IGF2BP2: variants seen among roughly 807,000 people sequenced by gnomAD.
The protein encoded by IGF2BP2 is insulin like growth factor 2 mRNA binding protein 2, also known as insulin-like growth factor 2 mRNA-binding protein 2.
A neutral mutation model predicts 75.8 loss-of-function variants in IGF2BP2; 17 were observed. The observed-to-expected ratio is 0.22, with a 90% CI of 0.15 to 0.34. The LOEUF (loss-of-function observed/expected upper bound fraction) is 0.34. Among genes scored for constraint, IGF2BP2 ranks in the 10% least tolerant of loss-of-function variants. The pLI is 1.00. For synonymous variants in IGF2BP2, 288 were observed against 295.6 expected (o/e 0.97, Z 0.26); for missense variants, 516 against 772.4 (o/e 0.67, Z 3.93).
At chr3:185,708,797 T>C (rs548026984) in intron 2 of IGF2BP2, among the ~76,000 whole-genome samples, 2 of 152,222 alleles carry the variant, frequency 1.3e-5, no homozygotes, top group South Asian at 2.1e-4. Flanking sequence ...GCAAGAACAT[T>C]CACGTGTGCT....
Position 185,675,296 on chromosome 3 carries a change from G to A in IGF2BP2, c.1071C>T (p.Asn357=), listed in dbSNP as rs773362377. The A allele has an allele frequency of 4.7e-5, 76 of 1,604,050 alleles. No homozygotes were observed. Among genetic ancestry groups the A allele is most frequent in the South Asian group, 9.0e-5 (8 of 88,808 alleles). The change falls in exon 9 of 16, where the codon AAC becomes AAT. Residue 357 remains asparagine, a splice_region_variant and synonymous_variant. Transcript: ENST00000382199. ...GGAGAAGAAAGCATTAGGGACTTAC[G>A]TTAACAGCCAGCATATCATTTTCAA... ...EAFENDMLAV[N]QQANLIPGLN... is the part of the protein sequence containing the mutation.
At chr3:185,772,402 T>C (rs977206349) in intron 2 of IGF2BP2, among the ~76,000 whole-genome samples, 8 of 152,184 alleles carry the variant, frequency 5.3e-5, no homozygotes, top group Admixed American at 3.9e-4. Flanking sequence ...TTCAAATTTA[T>C]CTTTTCCCAA....
intron 2 of IGF2BP2, among the ~76,000 whole-genome samples, chr3:185,816,823 ATAC>A (rs1740675316): frequency 6.6e-6 from 1 of 152,250 alleles, no homozygotes; most frequent in Non-Finnish European, 1.5e-5. Context: ...CCCTGAGATA[ATAC>A]TACTACCATT....
chr3:185,736,140 C>T (rs1258187308), intron 2 of IGF2BP2, among the ~76,000 whole-genome samples: 4 of 152,136 alleles, frequency 2.6e-5, no homozygotes, highest in African/African-American at 9.7e-5. Flanking sequence ...CCATCAGATC[C>T]TTAAGGCCAG....
intron 2 of IGF2BP2, among the ~76,000 whole-genome samples, chr3:185,747,848 A>AATTTT (rs1297589118): frequency 9.9e-5 from 15 of 151,430 alleles, no homozygotes; most frequent in South Asian, 4.2e-4. Context: ...ACTCTACTCC[A>AATTTT]ATTTTATTTT....
chr3:185,669,709 C>T (rs565745213), intron 10 of IGF2BP2, among the ~76,000 whole-genome samples: 1 of 152,224 alleles, frequency 6.6e-6, no homozygotes, highest in South Asian at 2.1e-4. Flanking sequence ...AAAGCAAAAG[C>T]ATCAGAACTT....
chr3:185,730,895 T>C (rs1023679314), intron 2 of IGF2BP2, among the ~76,000 whole-genome samples: 9 of 152,208 alleles, frequency 5.9e-5, no homozygotes, highest in African/African-American at 1.7e-4. Context: ...GTTGTTTTTT[T>C]TGAGTTTTTA....
At chr3:185,736,189 A>G (rs561445276) in intron 2 of IGF2BP2, among the ~76,000 whole-genome samples, 36 of 152,040 alleles carry the variant, frequency 2.4e-4, no homozygotes, top group Non-Finnish European at 3.4e-4. Flanking sequence ...TGGCACCTCT[A>G]GGTCTAAGGG....
intron 2 of IGF2BP2, among the ~76,000 whole-genome samples, chr3:185,725,950 TGAAACTGTCAAAAAATAA>T (rs1727266771): frequency 6.6e-6 from 1 of 152,022 alleles, no homozygotes; most frequent in Non-Finnish European, 1.5e-5. Context: ...CACATCAGGG[TGAAACTGTCAAAAAATAA>T]ATTAATAAAT....
At chr3:185,769,385 T>C (rs368220543) in intron 2 of IGF2BP2, among the ~76,000 whole-genome samples, 2 of 151,812 alleles carry the variant, frequency 1.3e-5, no homozygotes, top group Non-Finnish European at 2.9e-5. Context: ...GGTGAATCTA[T>C]TGTTTAAAAC....
At chr3:185,819,174 C>T (rs1192406280) in intron 2 of IGF2BP2, among the ~76,000 whole-genome samples, 1 of 151,952 alleles carries the variant, frequency 6.6e-6, no homozygotes, top group Non-Finnish European at 1.5e-5. Context: ...TCATCTTATA[C>T]CTGGCCATAA....
At chr3:185,756,877 A>G (rs1731689478) in intron 2 of IGF2BP2, among the ~76,000 whole-genome samples, 1 of 152,160 alleles carries the variant, frequency 6.6e-6, no homozygotes, top group Non-Finnish European at 1.5e-5. Context: ...CTAGAGACTG[A>G]GGTGGGAAGG....
At chr3:185,751,096 C>T (rs6769946) in intron 2 of IGF2BP2, among the ~76,000 whole-genome samples, 40,295 of 152,030 alleles carry the variant, frequency 0.27, 6,001 homozygotes, top group African/African-American at 0.41. Flanking sequence ...GCCTGTACTC[C>T]CAGCTACTAG....
chr3:185,737,050 A>G (rs1168562450), intron 2 of IGF2BP2, among the ~76,000 whole-genome samples: 1 of 152,172 alleles, frequency 6.6e-6, no homozygotes, highest in African/African-American at 2.4e-5. Flanking sequence ...GCTTTTTGTG[A>G]TGTTTCGCAT....
intron 2 of IGF2BP2, chr3:185,716,860 T>C (rs780762163): frequency 1.2e-5 from 6 of 494,418 alleles, no homozygotes; most frequent in African/African-American, 3.9e-5. Flanking sequence ...CGACAGCCCT[T>C]ACCTGGTGGC....
intron 7 of IGF2BP2, among the ~76,000 whole-genome samples, chr3:185,677,035 ATATATG>A (rs1353707841): frequency 1.9e-4 from 14 of 75,166 alleles, no homozygotes; most frequent in African/African-American, 7.3e-4. Context: ...AGATATATAT[ATATATG>A]GAGATATATA....
chr3:185,824,723 C>T (rs1445193074), intron 1 of IGF2BP2, 60 bp downstream of exon 1: 2 of 1,210,002 alleles, frequency 1.7e-6, no homozygotes, highest in Non-Finnish European at 2.1e-6. Flanking sequence ...GCCTCCCTCC[C>T]GGCGCCGTCC....
At chr3:185,755,618 C>G (rs149221948) in intron 2 of IGF2BP2, among the ~76,000 whole-genome samples, 3 of 152,208 alleles carry the variant, frequency 2.0e-5, no homozygotes, top group Admixed American at 6.5e-5. Context: ...CAGGGCTGCC[C>G]AAGGCCTTGG....
intron 2 of IGF2BP2, among the ~76,000 whole-genome samples, chr3:185,703,878 A>C (rs949293393): frequency 3.9e-5 from 6 of 152,222 alleles, no homozygotes; most frequent in Admixed American, 3.3e-4. Context: ...CCACAAGTCT[A>C]TCAGCTACCT....
Sources: gnomAD v4.1 joint callset for allele counts (sites outside exome capture counted in the v4.1 genomes callset) on GRCh38, gnomAD v4.1.1 for gene constraint, MANE v1.5 for transcripts, NCBI Gene and HGNC (gene_info 2026-07-23, HGNC 2026-07-21) for gene names.